Variants in LOC128706665 observed in about 807,000 individuals in gnomAD.
the LOC128706665 span, among the ~76,000 whole-genome samples, chr20:10,421,537 T>C: frequency 6.6e-6 from 1 of 152,166 alleles, no homozygotes; most frequent in African/African-American, 2.4e-5. Flanking sequence ...TGATAGTGTT[T>C]CAACTGCGAT....
At chr20:10,418,598 C>T in the LOC128706665 span, among the ~76,000 whole-genome samples, 1 of 152,084 alleles carries the variant, frequency 6.6e-6, no homozygotes, top group Non-Finnish European at 1.5e-5. Context: ...TTAACTATTG[C>T]TGCACTGGCA....
the LOC128706665 span, chr20:10,420,613 T>C: frequency 6.6e-6 from 1 of 152,338 alleles, no homozygotes; most frequent in East Asian, 1.9e-4. Flanking sequence ...AGGAATGTCG[T>C]CGTTTTTAGG....
chr20:10,427,882 C>A, the LOC128706665 span, among the ~76,000 whole-genome samples: 3 of 152,190 alleles, frequency 2.0e-5, no homozygotes, highest in Admixed American at 2.0e-4. Flanking sequence ...CCCACCAAAC[C>A]ATTCAAGGTC....
chr20:10,423,122 G>GA, the LOC128706665 span, among the ~76,000 whole-genome samples: 1 of 150,854 alleles, frequency 6.6e-6, no homozygotes, highest in African/African-American at 2.4e-5. Context: ...TAAACTCAAG[G>GA]AAAAAAAACC....
chr20:10,427,029 GACACACACACACACACAC>G, the LOC128706665 span, among the ~76,000 whole-genome samples: 47 of 130,724 alleles, frequency 3.6e-4, no homozygotes, highest in Non-Finnish European at 5.3e-4. Context: ...AGAAAACACT[GACACACACACACACACAC>G]ACACACACAC....
the LOC128706665 span, among the ~76,000 whole-genome samples, chr20:10,414,185 T>TTACA: frequency 6.6e-6 from 1 of 152,048 alleles, no homozygotes; most frequent in Admixed American, 6.6e-5. Flanking sequence ...GCTAGAAAGC[T>TTACA]TACAGCACAG....
the LOC128706665 span, among the ~76,000 whole-genome samples, chr20:10,426,974 A>T: frequency 6.6e-6 from 1 of 150,848 alleles, no homozygotes; most frequent in African/African-American, 2.4e-5. Flanking sequence ...CTTCTACCTC[A>T]TTATAAATAC....
At chr20:10,432,692 G>A in the LOC128706665 span, among the ~76,000 whole-genome samples, 2 of 149,316 alleles carry the variant, frequency 1.3e-5, no homozygotes, top group Non-Finnish European at 3.0e-5. Context: ...CTTCTCCGGA[G>A]GCTAAGGCAG....
the LOC128706665 span, among the ~76,000 whole-genome samples, chr20:10,430,840 G>C: frequency 3.3e-5 from 5 of 152,218 alleles, no homozygotes; most frequent in Non-Finnish European, 7.3e-5. Context: ...GAGCAGCCAA[G>C]TGATCAAATG....
chr20:10,425,686 A>G, the LOC128706665 span, among the ~76,000 whole-genome samples: 1 of 152,244 alleles, frequency 6.6e-6, no homozygotes, highest in Non-Finnish European at 1.5e-5. Context: ...CTCAAGAATA[A>G]GCTCAAAATG....
the LOC128706665 span, among the ~76,000 whole-genome samples, chr20:10,423,965 A>G: frequency 6.6e-6 from 1 of 151,336 alleles, no homozygotes. Context: ...AATTCTCCAT[A>G]TCTCATATAT....
the LOC128706665 span, among the ~76,000 whole-genome samples, chr20:10,429,134 A>G: frequency 8.9e-3 from 1,352 of 152,268 alleles, 24 homozygotes; most frequent in African/African-American, 0.031. Context: ...ATCTTTTCCT[A>G]GTCACTTCCC....
the LOC128706665 span, among the ~76,000 whole-genome samples, chr20:10,433,637 C>T: frequency 6.6e-6 from 1 of 152,202 alleles, no homozygotes; most frequent in Non-Finnish European, 1.5e-5. Context: ...CCCGCGGCTG[C>T]TTTCACGTAG....
At chr20:10,427,162 T>C in the LOC128706665 span, among the ~76,000 whole-genome samples, 34 of 152,114 alleles carry the variant, frequency 2.2e-4, no homozygotes, top group African/African-American at 7.5e-4. Flanking sequence ...TTATTCTATC[T>C]AGCATAGTAT....
At chr20:10,420,260 C>T in the LOC128706665 span, among the ~76,000 whole-genome samples, 1 of 152,042 alleles carries the variant, frequency 6.6e-6, no homozygotes, top group Admixed American at 6.6e-5. Context: ...TCAGGGGCTC[C>T]TTTGCACACA....
the LOC128706665 span, among the ~76,000 whole-genome samples, chr20:10,414,326 C>A: frequency 7.0e-6 from 1 of 141,966 alleles, no homozygotes; most frequent in South Asian, 2.3e-4. Flanking sequence ...AGTGCAATGG[C>A]GTGATCTTGG....
the LOC128706665 span, among the ~76,000 whole-genome samples, chr20:10,422,905 GT>G: frequency 6.6e-6 from 1 of 151,816 alleles, no homozygotes; most frequent in African/African-American, 2.4e-5. Context: ...TAGAGACAGG[GT>G]TTCACCGTGT....
chr20:10,419,168 A>G, the LOC128706665 span, among the ~76,000 whole-genome samples: 1 of 152,152 alleles, frequency 6.6e-6, no homozygotes, highest in African/African-American at 2.4e-5. Flanking sequence ...AAAGAGCAGA[A>G]CCTTACACTC....
At chr20:10,427,704 C>T in the LOC128706665 span, among the ~76,000 whole-genome samples, 249 of 152,296 alleles carry the variant, frequency 1.6e-3, 8 homozygotes, top group Middle Eastern at 0.01. Flanking sequence ...ACAGAACAAT[C>T]GTTTTCCTTT....
Sources: allele counts gnomAD v4.1 joint callset (sites outside exome capture counted in the v4.1 genomes callset), GRCh38; gene constraint gnomAD v4.1.1; transcripts MANE v1.5.